Variants in RIMS2 observed in about 807,000 individuals in gnomAD.
RIMS2 encodes the protein regulating synaptic membrane exocytosis 2.
Under a neutral mutation model 174.4 loss-of-function variants are expected in RIMS2, and 59 were observed. The observed-to-expected ratio is 0.34, with a 90% CI of 0.27 to 0.42. The LOEUF is 0.42. RIMS2 is among the 10% of genes least tolerant of loss of function. The pLI, the probability that RIMS2 is intolerant of heterozygous loss-of-function variation, is 1.00. For synonymous variants in RIMS2, 606 were observed against 572.5 expected, an observed-to-expected ratio of 1.06 and a Z score of -0.84; for missense variants, 1,620 against 1,666.3, an observed-to-expected ratio of 0.97 and a Z score of 0.48.
At chr8:104,060,613 T>C (rs1444400710) in intron 19 of RIMS2, among the ~76,000 whole-genome samples, 1 of 151,982 alleles carries the variant, frequency 6.6e-6, no homozygotes, top group African/African-American at 2.4e-5. Context: ...TTCTGCTAGC[T>C]TTTGAATGTG....
At chr8:103,868,337 G>A (rs1476790456) in intron 3 of RIMS2, among the ~76,000 whole-genome samples, 4 of 151,898 alleles carry the variant, frequency 2.6e-5, no homozygotes, top group Non-Finnish European at 4.4e-5. Context: ...CAGAATGAAC[G>A]TAAGGCAATA....
chr8:103,924,582 T>C (rs2078362153), intron 10 of RIMS2, among the ~76,000 whole-genome samples: 2 of 151,612 alleles, frequency 1.3e-5, no homozygotes, highest in Admixed American at 6.6e-5. Context: ...ACATTTTTGC[T>C]TTTGGTTAGT....
intron 10 of RIMS2, among the ~76,000 whole-genome samples, chr8:103,926,527 G>A (rs892991622): frequency 2.6e-5 from 4 of 151,590 alleles, no homozygotes; most frequent in Non-Finnish European, 5.9e-5. Flanking sequence ...CTGCTTTTAA[G>A]TCTGCTTTCC....
chr8:103,767,342 C>T (rs1218663883), intron 3 of RIMS2, among the ~76,000 whole-genome samples: 2 of 151,982 alleles, frequency 1.3e-5, no homozygotes, highest in African/African-American at 4.8e-5. Context: ...TGTGCACCAC[C>T]ATGCTTGGCT....
At chr8:103,630,652 A>ATGTGTGTG (rs1390115833) in intron 1 of RIMS2, among the ~76,000 whole-genome samples, 1 of 151,878 alleles carries the variant, frequency 6.6e-6, no homozygotes, top group East Asian at 1.9e-4. Context: ...TTGAAAGACT[A>ATGTGTGTG]TGATAAGTCA....
At chr8:103,847,425 G>T (rs1052759057) in intron 3 of RIMS2, among the ~76,000 whole-genome samples, 4 of 152,076 alleles carry the variant, frequency 2.6e-5, no homozygotes, top group Admixed American at 2.6e-4. Context: ...AAGAGTTCTG[G>T]ATGGCACAGT....
chr8:103,782,971 T>C (rs1313268296), intron 3 of RIMS2, among the ~76,000 whole-genome samples: 2 of 152,216 alleles, frequency 1.3e-5, no homozygotes, highest in Non-Finnish European at 2.9e-5. Flanking sequence ...ACATACTTTT[T>C]AAATTTCAGT....
At chr8:104,218,867 C>T (rs1315349679) in intron 19 of RIMS2, among the ~76,000 whole-genome samples, 1 of 152,160 alleles carries the variant, frequency 6.6e-6, no homozygotes, top group African/African-American at 2.4e-5. Flanking sequence ...CCCTGGCTTA[C>T]ATCATTTGTA....
intron 19 of RIMS2, among the ~76,000 whole-genome samples, chr8:104,228,640 A>G (rs2099204945): frequency 6.6e-6 from 1 of 152,156 alleles, no homozygotes; most frequent in Non-Finnish European, 1.5e-5. Flanking sequence ...CCATCCATCC[A>G]TTATATTTAT....
chr8:103,734,421 G>T (rs1394239867), intron 2 of RIMS2, among the ~76,000 whole-genome samples: 2 of 149,366 alleles, frequency 1.3e-5, no homozygotes, highest in African/African-American at 4.9e-5. Context: ...TATTTTTGGG[G>T]ATATATTTTA....
In RIMS2 at chr8:103,793,750, C is replaced by T. The variant is rs551618117; in HGVS notation, c.698+27213C>T. Among the ~76,000 whole-genome samples, 13 of 152,274 alleles carry T rather than the reference C, an allele frequency of 8.5e-5. No homozygotes were observed. In the South Asian group the frequency reaches 1.5e-3, roughly 17 times the overall value. On this transcript the variant is annotated intron_variant, in intron 3 of 23. Transcript: ENST00000504942. ...TCAGCAAAGTCTCAGGGTACAAAAT[C>T]AATGTGCAAAAATCACAAGCATTCC... is the stretch of plus-strand genomic sequence containing the variant.
intron 1 of RIMS2, among the ~76,000 whole-genome samples, chr8:103,551,463 G>C (rs957599959): frequency 1.3e-5 from 2 of 152,084 alleles, no homozygotes; most frequent in African/African-American, 2.4e-5. Flanking sequence ...AATAATAAGA[G>C]CTATTTTTGG....
intron 19 of RIMS2, among the ~76,000 whole-genome samples, chr8:104,188,468 G>A (rs1586870789): frequency 1.3e-5 from 2 of 151,340 alleles, no homozygotes; most frequent in Admixed American, 1.3e-4. Flanking sequence ...TATATGCTAG[G>A]CTTATAGAAT....
intron 19 of RIMS2, among the ~76,000 whole-genome samples, chr8:104,118,000 A>ACTGGACAACAGTT (rs1050628497): frequency 2.6e-5 from 4 of 152,192 alleles, no homozygotes; most frequent in Admixed American, 2.6e-4. Flanking sequence ...CTTAAATAGA[A>ACTGGACAACAGTT]CTGGACAACA....
chr8:104,162,923 T>C (rs7836089), intron 19 of RIMS2, among the ~76,000 whole-genome samples: 3,566 of 152,284 alleles, frequency 0.023, 124 homozygotes, highest in African/African-American at 0.076. Context: ...ACACTCTGAA[T>C]TGGTATATGG....
At chr8:103,637,152 G>C (rs1215748842) in intron 1 of RIMS2, among the ~76,000 whole-genome samples, 1 of 152,106 alleles carries the variant, frequency 6.6e-6, no homozygotes, top group East Asian at 1.9e-4. Flanking sequence ...ATCCAGATTT[G>C]CCTTTCTATG....
intron 3 of RIMS2, among the ~76,000 whole-genome samples, chr8:103,783,634 A>G (rs1366403584): frequency 6.6e-6 from 1 of 151,976 alleles, no homozygotes; most frequent in African/African-American, 2.4e-5. Context: ...TCCATGGTGT[A>G]TATGTGCCAC....
chr8:103,500,907 C>G (rs779016945), exon 1 of RIMS2: 14 of 1,602,912 alleles, frequency 8.7e-6, no homozygotes, highest in Non-Finnish European at 1.2e-5. Flanking sequence ...CTGTCGGGCC[C>G]CGGGGCCGCC....
intron 1 of RIMS2, among the ~76,000 whole-genome samples, chr8:103,600,979 A>G (rs372358118): frequency 8.9e-4 from 136 of 152,248 alleles, no homozygotes; most frequent in African/African-American, 3.1e-3. Flanking sequence ...GCACCTTTTT[A>G]TAAGCCTGTT....
Sources: gnomAD v4.1 joint callset for allele counts (sites outside exome capture counted in the v4.1 genomes callset) on GRCh38, gnomAD v4.1.1 for gene constraint, MANE v1.5 for transcripts, NCBI Gene and HGNC (gene_info 2026-07-23, HGNC 2026-07-21) for gene names.